UBXN7: variants seen among roughly 807,000 people sequenced by gnomAD.
UBXN7 encodes UBX domain-containing protein 7.
A neutral mutation model predicts 58.0 loss-of-function variants in UBXN7; 9 were observed. The observed-to-expected ratio is 0.16, with a 90% confidence interval of 0.09 to 0.27. UBXN7 has a LOEUF of 0.27. Ranked by LOEUF, UBXN7 falls within the 10% of genes least tolerant of loss-of-function variation. UBXN7 has a pLI of 1.00. For synonymous variants in UBXN7, 208 were observed against 205.0 expected (o/e 1.01, Z -0.12); for missense variants, 328 against 599.6 (o/e 0.55, Z 4.73).
chr3:196,372,144 G>T, intron 5 of UBXN7, 102 bp from the exon 6 acceptor site: 1 of 1,325,072 alleles, frequency 7.5e-7, no homozygotes. Context: ...AAAATACTAA[G>T]TTTTTGCCAG....
At chr3:196,417,126 A>T (rs956886668) in intron 1 of UBXN7, among the ~76,000 whole-genome samples, 1 of 152,140 alleles carries the variant, frequency 6.6e-6, no homozygotes, top group Non-Finnish European at 1.5e-5. Flanking sequence ...ATCCTGGCTA[A>T]CACGGTGAAA....
Position 196,360,349 on chromosome 3 carries a change from G to A in UBXN7, c.1308+1495C>T, listed in dbSNP as rs115653122. Among the ~76,000 whole-genome samples, 626 of 152,324 alleles carry A rather than the reference G, an allele frequency of 4.1e-3. 5 individuals carry two copies. Among genetic ancestry groups the A allele is most frequent in the African/African-American group, 0.014 (581 of 41,560 alleles). ...AGAGAAGTCAGTGGCTGCACTCAAAGGTTCAAAAAGGCTGACTTTCTTGTT... is the reference window on the plus strand; with the variant it reads ...AGAGAAGTCAGTGGCTGCACTCAAAAGTTCAAAAAGGCTGACTTTCTTGTT... On this transcript the variant is annotated intron_variant, in intron 10 of 10. Transcript: ENST00000296328.
intron 1 of UBXN7, among the ~76,000 whole-genome samples, chr3:196,431,106 T>C (rs567946198): frequency 4.1e-4 from 62 of 152,338 alleles, no homozygotes; most frequent in Non-Finnish European, 7.6e-4. Context: ...CAACCTGTAG[T>C]AGTTAAAACA....
chr3:196,366,767 T>C (rs1450066066), intron 8 of UBXN7, among the ~76,000 whole-genome samples: 14 of 152,110 alleles, frequency 9.2e-5, no homozygotes, highest in African/African-American at 3.1e-4. Context: ...TGCACATCTG[T>C]GGTCCCAGCT....
chr3:196,404,574 T>A (rs972248536), intron 2 of UBXN7, among the ~76,000 whole-genome samples: 1 of 152,172 alleles, frequency 6.6e-6, no homozygotes, highest in Non-Finnish European at 1.5e-5. Context: ...TGGTTTTCAT[T>A]CAGGTGTTCT....
rs542728475 is a variant in UBXN7 at position 196,372,456 on chromosome 3, C to T, written c.469-414G>A. Among the ~76,000 whole-genome samples the T allele has an allele frequency of 1.3e-4, 19 of 151,838 alleles. No individual in the cohort carries two copies. The South Asian group carries it at 3.5e-3, about 28-fold the overall frequency. On this transcript the variant is annotated intron_variant, in intron 5 of 10. Transcript: ENST00000296328. ...TCCTGAGTTCAAGTGATTCTCCCGC[C>T]GCAGCCTCCCAAGTAGTTGGGATTA...
In UBXN7 at chr3:196,353,914, C is replaced by G. The variant is rs948906439; in HGVS notation, c.*2771G>C. 6.6e-6 allele frequency: 1 copy of G among 151,962 alleles called. No homozygotes were observed. Among genetic ancestry groups the G allele is most frequent in the Non-Finnish European group, 1.5e-5 (1 of 68,008 alleles). The allele number at this position is 151,962 out of a possible 1,614,324, so 9.4% of individuals were successfully genotyped here. A position where few individuals can be genotyped will look rare whatever the true frequency, so the allele number is the denominator to read the frequency against. On this transcript the variant is annotated 3_prime_UTR_variant, in exon 11 of 11. Transcript: ENST00000296328. ...CCTTTCAAGCTGTGTCCAACACCCACAAGGAATGACTATTTTTAACTAATC... is the reference window on the plus strand; with the variant it reads ...CCTTTCAAGCTGTGTCCAACACCCAGAAGGAATGACTATTTTTAACTAATC...
At chr3:196,376,626 G>T (rs1265547478) in intron 5 of UBXN7, among the ~76,000 whole-genome samples, 1 of 151,432 alleles carries the variant, frequency 6.6e-6, no homozygotes, top group Non-Finnish European at 1.5e-5. Flanking sequence ...CACATTTTCG[G>T]CTACATATTT....
At chr3:196,405,894 TC>T (rs1160634956) in intron 2 of UBXN7, among the ~76,000 whole-genome samples, 1 of 152,260 alleles carries the variant, frequency 6.6e-6, no homozygotes, top group East Asian at 1.9e-4. Flanking sequence ...GAAAAGATAT[TC>T]ATTTATCAAA....
At chr3:196,396,298 C>A (rs1250777443) in intron 3 of UBXN7, among the ~76,000 whole-genome samples, 1 of 151,596 alleles carries the variant, frequency 6.6e-6, no homozygotes, top group South Asian at 2.1e-4. Context: ...CAGTGATGTG[C>A]GCCTATAGTC....
intron 5 of UBXN7, among the ~76,000 whole-genome samples, chr3:196,376,545 C>CAAAAAAAAAAAAA (rs777458391): frequency 3.5e-4 from 18 of 50,902 alleles, no homozygotes; most frequent in East Asian, 7.0e-4. Context: ...GACTCTGTCT[C>CAAAAAAAAAAAAA]AAAAAAAAAA....
chr3:196,398,954 CTT>C (rs1294743381), intron 3 of UBXN7, among the ~76,000 whole-genome samples: 1 of 151,994 alleles, frequency 6.6e-6, no homozygotes, highest in Admixed American at 6.6e-5. Context: ...GGCCAAACCT[CTT>C]TTTTAAAATC....
At chr3:196,407,529 T>C in intron 1 of UBXN7, 136 bp from the exon 2 acceptor site, 2 of 1,264,740 alleles carry the variant, frequency 1.6e-6, no homozygotes, top group Non-Finnish European at 1.0e-6. Flanking sequence ...TCTTGTGAAA[T>C]ACACAGAGCT....
At chr3:196,392,327 C>A (rs1271830341) in intron 4 of UBXN7, among the ~76,000 whole-genome samples, 1 of 150,186 alleles carries the variant, frequency 6.7e-6, no homozygotes, top group Non-Finnish European at 1.5e-5. Context: ...GATGGTGAAA[C>A]CCCGTTTCAA....
At chr3:196,362,270 A>C in intron 9 of UBXN7, 24 bp downstream of exon 9, 1 of 1,543,262 alleles carries the variant, frequency 6.5e-7, no homozygotes, top group Non-Finnish European at 8.7e-7. Context: ...AGTTTGAAGT[A>C]AAGTATGTCT....
chr3:196,371,662 T>C (rs774189822), intron 6 of UBXN7, among the ~76,000 whole-genome samples: 3 of 152,146 alleles, frequency 2.0e-5, no homozygotes, highest in Non-Finnish European at 2.9e-5. Context: ...TTTGTATTTT[T>C]AGGAGAGACA....
intron 1 of UBXN7, among the ~76,000 whole-genome samples, chr3:196,418,580 T>C (rs1730576958): frequency 6.6e-6 from 1 of 152,148 alleles, no homozygotes; most frequent in South Asian, 2.1e-4. Flanking sequence ...AACAACATGA[T>C]ACACGAAAGG....
chr3:196,402,125 A>G (rs1730014935), intron 3 of UBXN7, among the ~76,000 whole-genome samples: 1 of 152,084 alleles, frequency 6.6e-6, no homozygotes, highest in Non-Finnish European at 1.5e-5. Flanking sequence ...GGTTTAAGCA[A>G]TTCTCATGCC....
At position 196,362,584 on chromosome 3, in the gene UBXN7, C is replaced by T. The variant is rs549574452; in HGVS notation, c.938G>A (p.Arg313His). The change falls in exon 9 of 11, where the codon CGC becomes CAC. Residue 313 changes from arginine (R) to histidine (H), a missense_variant. By Grantham distance (29) the Arg-to-His change is conservative. Transcript: ENST00000296328. ...FDSTQTKQDSRSDEESESELF... is the reference protein window; with the variant it reads ...FDSTQTKQDSHSDEESESELF... ...TTCAGATTCAGATTCTTCATCTGAG[C>T]GGCTATCCTGTTTTGTCTGTGTTGA... The T allele has an allele frequency of 2.0e-4, 321 of 1,614,154 alleles. 5 individuals are homozygous for T. The South Asian group carries it at 3.4e-3, about 17-fold the overall frequency.
Sources: allele counts gnomAD v4.1 joint callset (sites outside exome capture counted in the v4.1 genomes callset), GRCh38; gene constraint gnomAD v4.1.1; transcripts MANE v1.5; gene names NCBI Gene and HGNC (gene_info 2026-07-23, HGNC 2026-07-21).